Variants in PRSS23 observed in about 807,000 individuals in gnomAD.
PRSS23 encodes the protein serine protease 23.
A neutral mutation model predicts 34.7 loss-of-function variants in PRSS23; 25 were observed. The ratio of observed to expected loss-of-function variants is 0.72; its 90% confidence interval spans 0.53 to 1.01. PRSS23 has a LOEUF of 1.01. PRSS23 is among the 50% of genes least tolerant of loss of function. The probability of loss-of-function intolerance (pLI) is 0.00; values close to 1 mark genes in which losing one functional copy is unlikely to be tolerated. For missense variants in PRSS23, 445 were observed against 475.6 expected, an observed-to-expected ratio of 0.94 and a Z score of 0.60; for synonymous variants, 176 against 186.6, an observed-to-expected ratio of 0.94 and a Z score of 0.46.
At position 86,927,743 on chromosome 11, in the gene PRSS23, C is replaced by T. The variant is rs538079466; in HGVS notation, c.207-23473C>T. On this transcript the variant is annotated intron_variant, in intron 2 of 2. Coordinates refer to the PRSS23 transcript ENST00000533902. ...AAGACTAATAAAAAGAATACTAGGC[C>T]GGGCGTGGTGGCTCACGCCTGTAAG... Among the ~76,000 whole-genome samples the T allele has an allele frequency of 1.4e-3, 206 of 151,394 alleles. 1 individual carries two copies. The highest frequency in any genetic ancestry group is 2.3e-3 in the Non-Finnish European group (157 of 67,886).
intron 2 of PRSS23, chr11:86,823,738 G>A (rs996503490): frequency 3.2e-6 from 2 of 619,556 alleles, no homozygotes; most frequent in African/African-American, 1.8e-5. Flanking sequence ...CGGGCGCGGT[G>A]GCTCACGCCT....
At chr11:86,840,968 G>C (rs996668701) in intron 2 of PRSS23, among the ~76,000 whole-genome samples, 4 of 152,272 alleles carry the variant, frequency 2.6e-5, no homozygotes, top group African/African-American at 9.6e-5. Flanking sequence ...GCAGTGTGTA[G>C]AGGGAAATTT....
chr11:86,820,226 T>G (rs918467472), intron 1 of PRSS23, among the ~76,000 whole-genome samples: 3 of 152,196 alleles, frequency 2.0e-5, no homozygotes, highest in African/African-American at 7.2e-5. Flanking sequence ...AAGGACTGTT[T>G]TCTAAGAAGG....
exon 2 of PRSS23, chr11:86,823,483 A>G (rs1052639382): frequency 1.6e-5 from 11 of 702,378 alleles, no homozygotes; most frequent in South Asian, 5.9e-5. Flanking sequence ...ATTCAATTCA[A>G]CCACCACCTC....
intron 2 of PRSS23, among the ~76,000 whole-genome samples, chr11:86,880,613 C>T (rs893893881): frequency 6.6e-6 from 1 of 152,078 alleles, no homozygotes; most frequent in African/African-American, 2.4e-5. Flanking sequence ...TCAAGCCCTG[C>T]ATTAGGTATT....
intron 2 of PRSS23, among the ~76,000 whole-genome samples, chr11:86,874,781 C>T (rs1948711306): frequency 6.6e-6 from 1 of 152,158 alleles, no homozygotes; most frequent in Admixed American, 6.5e-5. Context: ...TATCTCTGCT[C>T]CACAATGTCT....
At chr11:86,814,697 A>G (rs960049640), downstream of PRSS23, among the ~76,000 whole-genome samples, 8 of 152,176 alleles carry the variant, frequency 5.3e-5, no homozygotes, top group Non-Finnish European at 4.4e-5. Flanking sequence ...ACTGTGCACC[A>G]GGTATGCTTA....
intron 2 of PRSS23, among the ~76,000 whole-genome samples, chr11:86,829,836 C>A (rs911749840): frequency 2.0e-5 from 3 of 152,310 alleles, no homozygotes; most frequent in Admixed American, 6.5e-5. Flanking sequence ...GCTGTCTGAT[C>A]GTTCCTCTGG....
upstream of PRSS23, among the ~76,000 whole-genome samples, chr11:86,795,542 C>T (rs80320550): frequency 8.0e-3 from 1,220 of 152,322 alleles, 11 homozygotes; most frequent in Admixed American, 0.011. Flanking sequence ...ATCATCTTCC[C>T]GTAAGGATTA....
At chr11:86,845,037 G>A (rs557845130) in intron 2 of PRSS23, among the ~76,000 whole-genome samples, 3 of 151,438 alleles carry the variant, frequency 2.0e-5, no homozygotes, top group African/African-American at 7.3e-5. Context: ...GCTGTGAGCT[G>A]AGATCACACC....
chr11:86,803,600 G>C (rs1301665460), intron 1 of PRSS23, among the ~76,000 whole-genome samples: 1 of 152,124 alleles, frequency 6.6e-6, no homozygotes, highest in African/African-American at 2.4e-5. Flanking sequence ...GGATGAGTCA[G>C]GGCAGGCTGC....
rs145600652 is a variant in PRSS23 at position 86,904,992 on chromosome 11, G to A, written c.207-46224G>A. Among the ~76,000 whole-genome samples the A allele has an allele frequency of 8.5e-4, 130 of 152,282 alleles. 2 individuals carry two copies. The East Asian group carries it at 0.024, about 28-fold the overall frequency. ...GATCCTTTGAGCCTGAGTGTTAGAG[G>A]CTGCAGTGAGCTATGGTTATACCAC... On this transcript the variant is annotated intron_variant, in intron 2 of 2. Transcript: ENST00000533902.
At chr11:86,849,303 C>A (rs1247539355) in intron 2 of PRSS23, among the ~76,000 whole-genome samples, 2 of 152,224 alleles carry the variant, frequency 1.3e-5, no homozygotes, top group South Asian at 2.1e-4. Context: ...TTGCTCTCTT[C>A]ACATGCCTTT....
At chr11:86,836,567 A>G (rs1015848457) in intron 2 of PRSS23, among the ~76,000 whole-genome samples, 1 of 152,222 alleles carries the variant, frequency 6.6e-6, no homozygotes, top group African/African-American at 2.4e-5. Flanking sequence ...CATAATTAGA[A>G]AAGCATGTGA....
chr11:86,886,188 C>G (rs1046362244), intron 2 of PRSS23, among the ~76,000 whole-genome samples: 14 of 151,888 alleles, frequency 9.2e-5, no homozygotes, highest in African/African-American at 3.4e-4. Context: ...ACAGTGAGAC[C>G]CCATCTCTAA....
downstream of PRSS23, among the ~76,000 whole-genome samples, chr11:86,812,787 C>CAAAA (rs35855610): frequency 4.8e-5 from 4 of 83,906 alleles, no homozygotes; most frequent in African/African-American, 8.3e-5. Context: ...GACTCTGTCT[C>CAAAA]AAAAAAAAAA....
In PRSS23 at chr11:86,951,196, C is replaced by G. The variant is rs755528979; in HGVS notation, c.207-20C>G. 7 of 1,614,062 alleles carry G rather than the reference C, an allele frequency of 4.3e-6. No individual in the cohort carries two copies. In the South Asian group the frequency reaches 6.6e-5, roughly 15 times the overall value. On this transcript the variant is annotated intron_variant, in intron 2 of 2. Transcript: ENST00000533902. ...GCTTCACCCAACCATTTCCTCTCTTCTCTCTCTTTACCTTTCCAGAATTCA... is the reference window on the plus strand; with the variant it reads ...GCTTCACCCAACCATTTCCTCTCTTGTCTCTCTTTACCTTTCCAGAATTCA...
intron 2 of PRSS23, among the ~76,000 whole-genome samples, chr11:86,848,842 G>C (rs998440825): frequency 3.3e-5 from 5 of 152,180 alleles, no homozygotes; most frequent in Admixed American, 1.3e-4. Flanking sequence ...GGCAGACCTT[G>C]GTGGCTCAGA....
intron 2 of PRSS23, chr11:86,836,833 T>G (rs1948409650): frequency 6.6e-6 from 1 of 152,236 alleles, no homozygotes; most frequent in Non-Finnish European, 1.5e-5. Context: ...TGGACATATT[T>G]TGAGTAGAAA....
Sources: gnomAD v4.1 joint callset for allele counts (sites outside exome capture counted in the v4.1 genomes callset) on GRCh38, gnomAD v4.1.1 for gene constraint, MANE v1.5 for transcripts, NCBI Gene and HGNC (gene_info 2026-07-23, HGNC 2026-07-21) for gene names.